Variants in SPOP observed in about 807,000 individuals in gnomAD.
The protein encoded by SPOP is speckle type BTB/POZ protein.
Under a neutral mutation model 45.6 loss-of-function variants are expected in SPOP, and 11 were observed. The ratio of observed to expected loss-of-function variants is 0.24; its 90% CI spans 0.15 to 0.40. The LOEUF (loss-of-function observed/expected upper bound fraction) is 0.40, where lower values mean the gene tolerates loss of function less well. Ranked by LOEUF, SPOP falls within the 10% of genes least tolerant of loss-of-function variation. SPOP has a pLI of 1.00. For synonymous variants in SPOP, 166 were observed against 166.3 expected (o/e 1.00, Z 0.01); for missense variants, 152 against 465.6 (o/e 0.33, Z 6.20).
rs1024736466 is a variant in SPOP, at chr17:49,600,223, T to G, written c.*155A>C. Reference sequence around the variant, plus strand: ...CTCCCCCCGTTTCCCCCAAGTTATTTAGTGCTGTTTTAAAAGTCTGGGGCC... The same window carrying G: ...CTCCCCCCGTTTCCCCCAAGTTATTGAGTGCTGTTTTAAAAGTCTGGGGCC... On this transcript the variant is annotated 3_prime_UTR_variant, in exon 10 of 10. Transcript: ENST00000504102. The surrounding 1 kb of genome is among the most constrained non-coding windows in gnomAD (Gnocchi z 4.2). The G allele has an allele frequency of 8.4e-6, 8 of 950,752 alleles. No individual in the cohort carries two copies. Among genetic ancestry groups the G allele is most frequent in the African/African-American group, 1.6e-5 (1 of 60,684 alleles). The allele number at this position is 950,752 out of a possible 1,614,324, so 58.9% of individuals were successfully genotyped here.
Position 49,618,984 on chromosome 17 carries a change from G to A in SPOP, c.477C>T (p.Cys159=), listed in dbSNP as rs375093038. The change falls in exon 5 of 10, where the codon TGC becomes TGT. Residue 159 remains cysteine, a synonymous_variant. Coordinates refer to ENST00000504102, the MANE Select transcript of SPOP (RefSeq NM_001007228.2). The part of the protein sequence containing the change: ...LLPDDKLTLF[C]EVSVVQDSVN... ...TCAGCAGAATACAAGGACTCACCTCGCAGAAGAGGGTAAGCTTGTCATCAG... is the reference window on the plus strand; with the variant it reads ...TCAGCAGAATACAAGGACTCACCTCACAGAAGAGGGTAAGCTTGTCATCAG... 1.3e-4 allele frequency: 209 copies of A among 1,612,722 alleles called. No homozygotes were observed. The highest frequency in any genetic ancestry group is 2.5e-4 in the East Asian group (11 of 44,888).
intron 1 of SPOP, among the ~76,000 whole-genome samples, chr17:49,633,368 C>A (rs1225515841): frequency 6.6e-6 from 1 of 152,134 alleles, no homozygotes; most frequent in Non-Finnish European, 1.5e-5. Context: ...AATGCTCCGA[C>A]TATCAAGCCT....
At chr17:49,677,856 G>A (rs2073224409) in intron 1 of SPOP, 77 bp downstream of exon 1, 3 of 393,768 alleles carry the variant, frequency 7.6e-6, no homozygotes, top group Non-Finnish European at 8.9e-6. Context: ...GTGGGGGTCA[G>A]TCACCTCTTC....
chr17:49,646,821 AAC>A (rs1188000127), intron 1 of SPOP, among the ~76,000 whole-genome samples: 1 of 152,214 alleles, frequency 6.6e-6, no homozygotes, highest in Non-Finnish European at 1.5e-5. Flanking sequence ...TTGAGTTTAG[AAC>A]ACAAAGTCTT....
chr17:49,640,203 A>G (rs2072620449), intron 1 of SPOP, among the ~76,000 whole-genome samples: 1 of 152,114 alleles, frequency 6.6e-6, no homozygotes, highest in East Asian at 1.9e-4. Context: ...CAGTGAGCCA[A>G]GATGGTGCCA....
chr17:49,648,636 C>G (rs1024710877), intron 1 of SPOP, among the ~76,000 whole-genome samples: 4 of 152,246 alleles, frequency 2.6e-5, no homozygotes, highest in Non-Finnish European at 4.4e-5. Flanking sequence ...GGCTGAGACT[C>G]AGAACCTAGA....
chr17:49,671,627 C>T (rs1458884615), intron 1 of SPOP, among the ~76,000 whole-genome samples: 2 of 151,996 alleles, frequency 1.3e-5, no homozygotes, highest in Non-Finnish European at 2.9e-5. Context: ...CATTTACCAC[C>T]ATTAGAGATG....
intron 1 of SPOP, among the ~76,000 whole-genome samples, chr17:49,641,892 T>C (rs2072659585): frequency 6.6e-6 from 1 of 151,770 alleles, no homozygotes; most frequent in African/African-American, 2.4e-5. Flanking sequence ...GTGTGGTAGT[T>C]GGCACCTGTA....
intron 5 of SPOP, chr17:49,618,634 G>A: frequency 4.4e-6 from 2 of 458,240 alleles, no homozygotes; most frequent in Admixed American, 2.6e-5. Context: ...GAGCCAGAAA[G>A]TATAAACAAC....
intron 9 of SPOP, chr17:49,601,276 T>C (rs950319408): frequency 3.3e-5 from 5 of 152,502 alleles, no homozygotes; most frequent in Non-Finnish European, 7.3e-5. Context: ...GAGTAGAACA[T>C]GTCCCACTGA....
In SPOP at chr17:49,619,504, A is replaced by C; in HGVS notation, c.201-119T>G. ...AATGCAGGCCCCATAGAAGAATATAATTCAGTAGAATGACTAGTTGGGAAC... is the reference window on the plus strand; with the variant it reads ...AATGCAGGCCCCATAGAAGAATATACTTCAGTAGAATGACTAGTTGGGAAC... On this transcript the variant is annotated intron_variant, in intron 3 of 9. Coordinates refer to ENST00000504102, the MANE Select transcript of SPOP (RefSeq NM_001007228.2). The surrounding 1 kb of genome is among the most constrained non-coding windows in gnomAD (Gnocchi z 4.9). 107 of 1,064,824 alleles carry C rather than the reference A, an allele frequency of 1.0e-4. No individual in the cohort carries two copies. Among genetic ancestry groups the C allele is most frequent in the Middle Eastern group, 3.0e-4 (1 of 3,282 alleles). The allele number at this position is 1,064,824 out of a possible 1,614,324, so 66.0% of individuals were successfully genotyped here. A position where few individuals can be genotyped will look rare whatever the true frequency, so the allele number is the denominator to read the frequency against.
intron 1 of SPOP, among the ~76,000 whole-genome samples, chr17:49,631,297 G>A (rs1294049864): frequency 1.3e-5 from 2 of 151,980 alleles, no homozygotes; most frequent in African/African-American, 2.4e-5. Flanking sequence ...AAAAAATAAG[G>A]AAGCTCCATT....
At chr17:49,633,318 C>T (rs1408027525) in intron 1 of SPOP, among the ~76,000 whole-genome samples, 1 of 152,110 alleles carries the variant, frequency 6.6e-6, no homozygotes, top group African/African-American at 2.4e-5. Context: ...CAAGAAGGTA[C>T]ATGACTCTCA....
At chr17:49,656,049 T>C (rs1472575991) in intron 1 of SPOP, among the ~76,000 whole-genome samples, 5 of 152,154 alleles carry the variant, frequency 3.3e-5, no homozygotes, top group African/African-American at 1.2e-4. Flanking sequence ...TGACCTTAGG[T>C]GATCCACCTG....
intron 1 of SPOP, among the ~76,000 whole-genome samples, chr17:49,641,914 T>C (rs1196980319): frequency 1.3e-5 from 2 of 152,008 alleles, no homozygotes; most frequent in South Asian, 2.1e-4. Context: ...TCCCAGCTAC[T>C]AGTCAAGAAG....
intron 5 of SPOP, among the ~76,000 whole-genome samples, chr17:49,618,288 T>C (rs1225051504): frequency 6.6e-6 from 1 of 152,204 alleles, no homozygotes; most frequent in Admixed American, 6.5e-5. Flanking sequence ...CATAACAGCA[T>C]GAAATGACTA....
intron 1 of SPOP, among the ~76,000 whole-genome samples, chr17:49,667,455 G>A (rs1417412677): frequency 2.0e-5 from 3 of 151,978 alleles, no homozygotes; most frequent in Non-Finnish European, 4.4e-5. Context: ...TGGGCGTGGT[G>A]GCATGCGCCT....
chr17:49,648,155 T>A (rs2143476155), intron 1 of SPOP, among the ~76,000 whole-genome samples: 1 of 152,362 alleles, frequency 6.6e-6, no homozygotes, highest in Non-Finnish European at 1.5e-5. Context: ...TTTTCTCACC[T>A]GAATAGTTAC....
At position 49,601,778 on chromosome 17, in the gene SPOP, C is replaced by T. The variant is rs535167361; in HGVS notation, c.980+87G>A. The stretch of plus-strand genomic sequence containing the variant: ...GCCAAAAGGTTAATGAAGCTACTTG[C>T]CTGCTTTACCCACTAATTCAAAGCC... On this transcript the variant is annotated intron_variant, in intron 9 of 9. Transcript: ENST00000504102. 46 of 1,526,232 alleles carry T rather than the reference C, an allele frequency of 3.0e-5. 1 individual carries two copies. The Middle Eastern group carries it at 8.7e-4, about 29-fold the overall frequency. 94.5% of individuals were successfully genotyped at this position (1,526,232 alleles called of 1,614,324 possible).
Sources: allele counts gnomAD v4.1 joint callset (sites outside exome capture counted in the v4.1 genomes callset), GRCh38; gene constraint gnomAD v4.1.1; non-coding constraint Gnocchi (gnomAD v3.1); transcripts MANE v1.5; gene names NCBI Gene and HGNC (gene_info 2026-07-23, HGNC 2026-07-21).